Variants in PCDHGB2 observed in about 807,000 individuals in gnomAD.
The protein encoded by PCDHGB2 is protocadherin gamma-B2.
Under a neutral mutation model 59.3 loss-of-function variants are expected in PCDHGB2, and 55 were observed. The ratio of observed to expected loss-of-function variants is 0.93; its 90% CI spans 0.75 to 1.16. The LOEUF (loss-of-function observed/expected upper bound fraction) is 1.16. PCDHGB2 is among the 50% of genes most tolerant of loss of function. The pLI is 0.00. For missense variants in PCDHGB2, 1,228 were observed against 1,198.5 expected (o/e 1.02, Z -0.36); for synonymous variants, 516 against 512.0 (o/e 1.01, Z -0.11).
chr5:141,504,541 C>G (rs1050153403), intron 2 of PCDHGB2, among the ~76,000 whole-genome samples: 2 of 151,728 alleles, frequency 1.3e-5, no homozygotes, highest in Non-Finnish European at 2.9e-5. Context: ...GTCATCATGG[C>G]AAATGTTGGG....
At chr5:141,433,028 G>C in intron 1 of PCDHGB2, 1 of 1,614,116 alleles carries the variant, frequency 6.2e-7, no homozygotes, top group Non-Finnish European at 8.5e-7. Context: ...TTCCCACGAG[G>C]TTTCCCTCAC....
intron 1 of PCDHGB2, among the ~76,000 whole-genome samples, chr5:141,483,658 G>C (rs906346163): frequency 1.4e-4 from 22 of 152,028 alleles, no homozygotes; most frequent in Non-Finnish European, 2.4e-4. Context: ...TTGTGTGTGT[G>C]TGTGTGTGTG....
chr5:141,478,143 A>T (rs759384540), intron 1 of PCDHGB2: 1 of 1,614,014 alleles, frequency 6.2e-7, no homozygotes, highest in Non-Finnish European at 8.5e-7. Flanking sequence ...GCCCGAGCCG[A>T]GTTCCCCTCT....
At position 141,413,304 on chromosome 5, in the gene PCDHGB2, A is replaced by T; in HGVS notation, c.2421+50748A>T. The T allele has an allele frequency of 1.9e-6, 3 of 1,613,982 alleles. No individual in the cohort carries two copies. The Admixed American group carries it at 5.0e-5, about 27-fold the overall frequency. On this transcript the variant is annotated intron_variant, in intron 1 of 3. Transcript: ENST00000522605. Reference sequence around the variant, plus strand: ...TCTCCTACTCAATTCCTGAGGAATTAGAGAAAGGCTCTTTCGTGGGCAACA... The same window carrying T: ...TCTCCTACTCAATTCCTGAGGAATTTGAGAAAGGCTCTTTCGTGGGCAACA...
In PCDHGB2 at chr5:141,395,071, A is replaced by G. The variant is rs767254764; in HGVS notation, c.2421+32515A>G. 27 of 1,614,100 alleles carry G rather than the reference A, an allele frequency of 1.7e-5. No individual in the cohort carries two copies. Among genetic ancestry groups the G allele is most frequent in the East Asian group, 2.2e-5 (1 of 44,880 alleles). The stretch of plus-strand genomic sequence containing the variant: ...GAGGTACAGGCTTTCCTGCAGACCT[A>G]TTCCCAGGAAGTCTCCCTCACCGCC... On this transcript the variant is annotated intron_variant, in intron 1 of 3. Transcript: ENST00000522605.
intron 1 of PCDHGB2, chr5:141,430,668 C>T (rs538633559): frequency 1.6e-6 from 2 of 1,243,872 alleles, no homozygotes; most frequent in East Asian, 2.5e-5. Context: ...GGAGCTCTGA[C>T]TTCCCAACTG....
At chr5:141,463,650 A>C (rs1206605758) in intron 1 of PCDHGB2, among the ~76,000 whole-genome samples, 1 of 151,746 alleles carries the variant, frequency 6.6e-6, no homozygotes, top group Non-Finnish European at 1.5e-5. Flanking sequence ...ACGGGGTTTC[A>C]CCGTGTTAGC....
At chr5:141,427,294 AT>A (rs2097012877) in intron 1 of PCDHGB2, 1 of 456,758 alleles carries the variant, frequency 2.2e-6, no homozygotes, top group Non-Finnish European at 4.4e-6. Flanking sequence ...GAAATCCTAG[AT>A]GAGAATGACA....
At chr5:141,366,901 T>C in intron 1 of PCDHGB2, 1 of 1,189,700 alleles carries the variant, frequency 8.4e-7, no homozygotes, top group Non-Finnish European at 1.2e-6. Flanking sequence ...AATTCATGCT[T>C]TCTCCATTTG....
At chr5:141,379,462 A>G (rs1775613818) in intron 1 of PCDHGB2, 1 of 152,244 alleles carries the variant, frequency 6.6e-6, no homozygotes, top group African/African-American at 2.4e-5. Context: ...ATAAACTCTG[A>G]AAGTGTGAAT....
chr5:141,413,803 G>A (rs1331029473), intron 1 of PCDHGB2: 3 of 1,613,142 alleles, frequency 1.9e-6, no homozygotes, highest in Non-Finnish European at 1.7e-6. Flanking sequence ...CGAGGAAGAG[G>A]CCATTCACCA....
intron 1 of PCDHGB2, chr5:141,371,953 T>G: frequency 6.2e-7 from 1 of 1,613,260 alleles, no homozygotes; most frequent in South Asian, 1.1e-5. Context: ...CAGCGAGCCT[T>G]CGACCACGAG....
chr5:141,490,804 T>C lies in PCDHGB2; in HGVS notation c.2422-4003T>C. On this transcript the variant is annotated intron_variant, in intron 1 of 3. Coordinates refer to ENST00000522605, the MANE Select transcript of PCDHGB2 (RefSeq NM_018923.3). This position sits in a 1 kb window ranked among gnomAD's most constrained non-coding sequence, Gnocchi z 5.4. The stretch of plus-strand genomic sequence containing the variant: ...TGGACGGATCTTTGCCCAGCGTACC[T>C]TTGACTATGAATTGCTGCAGATGCT... 2 of 1,613,854 alleles carry C rather than the reference T, an allele frequency of 1.2e-6. No homozygotes were observed. Among genetic ancestry groups the C allele is most frequent in the Non-Finnish European group, 1.7e-6 (2 of 1,179,816 alleles).
intron 1 of PCDHGB2, chr5:141,414,287 C>G: frequency 6.2e-7 from 1 of 1,613,434 alleles, no homozygotes; most frequent in Non-Finnish European, 8.5e-7. Flanking sequence ...ACAGTCGTAG[C>G]CCTTTTAAAT....
At chr5:141,419,938 G>A in intron 1 of PCDHGB2, 1 of 1,614,102 alleles carries the variant, frequency 6.2e-7, no homozygotes, top group Non-Finnish European at 8.5e-7. Context: ...TTTACCTGGT[G>A]GTGGCCTTGG....
rs1228771998 is a variant in PCDHGB2 at position 141,477,832 on chromosome 5, A to G, written c.2422-16975A>G. The stretch of plus-strand genomic sequence containing the variant: ...CCCCCCAGGTCCTATATCCTCGGCC[A>G]GGTGGGAGCTCGGTGGAGATGCTGC... On this transcript the variant is annotated intron_variant, in intron 1 of 3. Transcript: ENST00000522605. This position sits in a 1 kb window ranked among gnomAD's most constrained non-coding sequence, Gnocchi z 4.9. 1.2e-6 allele frequency: 2 copies of G among 1,614,166 alleles called. No homozygotes were observed. Among genetic ancestry groups the G allele is most frequent in the South Asian group, 1.1e-5 (1 of 91,086 alleles).
At chr5:141,414,336 C>T (rs567878158) in intron 1 of PCDHGB2, 3 of 1,613,846 alleles carry the variant, frequency 1.9e-6, no homozygotes, top group East Asian at 2.2e-5. Flanking sequence ...GACAGGTAAC[C>T]TGTTCCATTT....
Position 141,505,475 on chromosome 5 carries a change from G to A in PCDHGB2, c.2563G>A (p.Ala855Thr), listed in dbSNP as rs769108315. The A allele has an allele frequency of 2.2e-5, 35 of 1,614,098 alleles. No homozygotes were observed. Among genetic ancestry groups the A allele is most frequent in the South Asian group, 5.5e-5 (5 of 91,090 alleles). ...GCTGCAAGCCATGATCTTGGCGTCC[G>A]CCAGTGGTAAGTGGTGTCAGTGTGT... ...EMLQAMILAS[A>T]SEAADGSSTL... The change falls in exon 3 of 4, where the codon GCC becomes ACC. Residue 855 changes from alanine to threonine, a missense_variant. Physicochemically the swap from Ala to Thr is moderately conservative, Grantham distance 58. Transcript: ENST00000522605.
intron 1 of PCDHGB2, chr5:141,388,629 G>T (rs755930967): frequency 6.2e-7 from 1 of 1,613,942 alleles, no homozygotes. Context: ...CGTATACAGG[G>T]TGAGCCTTTC....
Sources: allele counts gnomAD v4.1 joint callset (sites outside exome capture counted in the v4.1 genomes callset), GRCh38; gene constraint gnomAD v4.1.1; non-coding constraint Gnocchi (gnomAD v3.1); transcripts MANE v1.5; gene names NCBI Gene and HGNC (gene_info 2026-07-23, HGNC 2026-07-21).